The following GUCA1A variants were observed in gnomAD, a reference collection of about 807,000 sequenced individuals.
The protein encoded by GUCA1A is guanylyl cyclase-activating protein 1.
A neutral mutation model predicts 18.5 loss-of-function variants in GUCA1A; 14 were observed. That is an observed-to-expected ratio of 0.76 (90% CI 0.50 to 1.18). GUCA1A has a LOEUF of 1.18. GUCA1A is among the 50% of genes most tolerant of loss of function. The probability of loss-of-function intolerance (pLI) is 0.00; values close to 1 mark genes in which losing one functional copy is unlikely to be tolerated. For missense variants in GUCA1A, 264 were observed against 262.4 expected (o/e 1.01, Z -0.04); for synonymous variants, 97 against 100.2 (o/e 0.97, Z 0.19).
In GUCA1A at chr6:42,178,890, G is replaced by C; in HGVS notation, c.440G>C (p.Gly147Ala). ...GTGTTCTCCAAGATTGACGTCAACG[G>C]GGATGGTGAGGGGGCCGAGGAGGGG... The part of the protein sequence containing the change: ...DTVFSKIDVN[G>A]DGELSLEEFI... The change falls in exon 3 of 4, where the codon GGG (glycine) becomes GCG (alanine). Residue 147 changes from glycine to alanine, a missense_variant. By Grantham distance (60) the Gly-to-Ala change is moderately conservative (BLOSUM62 0). Transcript: ENST00000372958. 6.2e-7 allele frequency: 1 copy of C among 1,610,522 alleles called. No individual in the cohort carries two copies.
At position 42,179,254 on chromosome 6, in the gene GUCA1A, C is replaced by G; in HGVS notation, c.457C>G (p.Leu153Val). The G allele has an allele frequency of 6.2e-7, 1 of 1,613,644 alleles. No individual in the cohort carries two copies. The highest frequency in any genetic ancestry group is 1.7e-4 in the Middle Eastern group (1 of 6,054). ...TCTCTCTACCCCAGGGGAACTCTCC[C>G]TGGAAGAGTTTATAGAGGGCGTCCA... ...IDVNGDGELS[L>V]EEFIEGVQKD... The change falls in exon 4 of 4, where the codon CTG becomes GTG. Residue 153 changes from leucine (L) to valine (V), a missense_variant. Coordinates refer to ENST00000372958, the MANE Select transcript of GUCA1A (RefSeq NM_001384910.1).
rs768402891 is a variant in GUCA1A, at chr6:42,178,406, G to A, written c.328G>A (p.Asp110Asn). 5.6e-6 allele frequency: 9 copies of A among 1,613,980 alleles called. No individual in the cohort carries two copies. Among genetic ancestry groups the A allele is most frequent in the Middle Eastern group, 1.6e-4 (1 of 6,084 alleles). Reference sequence around the variant, plus strand: ...AGATGGCAACGGCTGCATTGACCGCGATGAGCTGCTCACCATCATCCAGGT... The same window carrying A: ...AGATGGCAACGGCTGCATTGACCGCAATGAGCTGCTCACCATCATCCAGGT... ...DVDGNGCIDR[D>N]ELLTIIQAIR... Residue 110 changes from aspartate (D) to asparagine (N), a missense_variant, in exon 2 of 4, where the codon GAT (aspartate) becomes AAT (asparagine). Transcript: ENST00000372958.
At position 42,178,313 on chromosome 6, in the gene GUCA1A, GC is replaced by G. The variant is rs771332482; in HGVS notation, c.236del (p.Ala79GlyfsTer23). On this transcript the variant is annotated frameshift_variant, in exon 2 of 4. Transcript: ENST00000372958. LOFTEE classifies it high-confidence loss of function. The stretch of plus-strand genomic sequence containing the variant: ...CATTGATTTCATGGAGTACGTGGCA[GC>G]GCTCAGCTTGGTCCTCAAGGGGAAG... ...GYIDFMEYVA[A>X]LSLVLKGKVE... The G allele has an allele frequency of 2.5e-6, 4 of 1,614,222 alleles. No homozygotes were observed. Among genetic ancestry groups the G allele is most frequent in the Middle Eastern group, 1.6e-4 (1 of 6,062 alleles).
Position 42,178,363 on chromosome 6 carries a change from C to T in GUCA1A, c.285C>T (p.Tyr95=). The T allele has an allele frequency of 6.2e-7, 1 of 1,614,042 alleles. No homozygotes were observed. The change falls in exon 2 of 4, where the codon TAC becomes TAT. Residue 95 remains tyrosine, a synonymous_variant. Transcript: ENST00000372958. ...AGGTGGAACAGAAGCTCCGCTGGTA[C>T]TTCAAGCTCTATGATGTAGATGGCA... ...KGKVEQKLRW[Y]FKLYDVDGNG... is the part of the protein sequence containing the mutation.
chr6:42,179,408 AC>A lies in GUCA1A; in HGVS notation c.*7del. ...GCCGCTGAGGCAGCCGGCTGAGTGC[AC>A]CGCCCGGCTGCTTCTGCACTAGCGG... On this transcript the variant is annotated 3_prime_UTR_variant, in exon 4 of 4. Coordinates refer to ENST00000372958, the MANE Select transcript of GUCA1A (RefSeq NM_001384910.1). 1.3e-6 allele frequency: 2 copies of A among 1,580,846 alleles called. No homozygotes were observed. Among genetic ancestry groups the A allele is most frequent in the Non-Finnish European group, 1.7e-6 (2 of 1,161,380 alleles).
At chr6:42,175,859 A>C (rs1767947039) in intron 1 of GUCA1A, among the ~76,000 whole-genome samples, 1 of 152,090 alleles carries the variant, frequency 6.6e-6, no homozygotes, top group Admixed American at 6.6e-5. Context: ...TGCTCGGCTT[A>C]CACCTTCCTC....
intron 1 of GUCA1A, among the ~76,000 whole-genome samples, chr6:42,177,767 G>A (rs993729198): frequency 3.3e-5 from 5 of 152,198 alleles, no homozygotes; most frequent in Non-Finnish European, 7.3e-5. Context: ...GACTGAATGA[G>A]CCCACTGTGG....
At chr6:42,175,724 T>C (rs895143850) in intron 1 of GUCA1A, among the ~76,000 whole-genome samples, 1 of 152,158 alleles carries the variant, frequency 6.6e-6, no homozygotes, top group Non-Finnish European at 1.5e-5. Flanking sequence ...AACCTGACCC[T>C]TGTCTTTCCA....
chr6:42,178,175 T>A (rs1768006813), intron 1 of GUCA1A, 105 bp from the exon 2 acceptor site: 5 of 1,370,016 alleles, frequency 3.6e-6, no homozygotes, highest in Non-Finnish European at 5.2e-6. Context: ...CAGCGTCTCT[T>A]GGGGCTTGCC....
rs905727167 is a variant in GUCA1A at position 42,173,525 on chromosome 6, G to T, written c.-89G>T. The T allele has an allele frequency of 7.0e-6, 7 of 1,005,270 alleles. No homozygotes were observed. The highest frequency in any genetic ancestry group is 9.4e-6 in the Non-Finnish European group (6 of 635,394). The allele number at this position is 1,005,270 out of a possible 1,614,324, so 62.3% of individuals were successfully genotyped here. On this transcript the variant is annotated 5_prime_UTR_variant, in exon 1 of 4. Coordinates refer to ENST00000372958, the MANE Select transcript of GUCA1A (RefSeq NM_001384910.1). ...AGGACTCAGGCCTGTGAGAGAGGACGGCCCCGTTGTCGGCCAAGACACCTT... is the reference window on the plus strand; with the variant it reads ...AGGACTCAGGCCTGTGAGAGAGGACTGCCCCGTTGTCGGCCAAGACACCTT...
rs1767861734 is a variant in GUCA1A at position 42,173,488 on chromosome 6, G to T, written c.-126G>T. 1.3e-6 allele frequency: 1 copy of T among 743,686 alleles called. No homozygotes were observed. Among genetic ancestry groups the T allele is most frequent in the Non-Finnish European group, 2.4e-6 (1 of 417,660 alleles). The allele number at this position is 743,686 out of a possible 1,614,324, so 46.1% of individuals were successfully genotyped here. A position where few individuals can be genotyped will look rare whatever the true frequency, so the allele number is the denominator to read the frequency against. On this transcript the variant is annotated 5_prime_UTR_variant, in exon 1 of 4. Coordinates refer to ENST00000372958, the MANE Select transcript of GUCA1A (RefSeq NM_001384910.1). Reference sequence around the variant, plus strand: ...CATCTGATCCATCAGGCCCTTCTTTGCTCAGGCCTGAAGGACTCAGGCCTG... The same window carrying T: ...CATCTGATCCATCAGGCCCTTCTTTTCTCAGGCCTGAAGGACTCAGGCCTG...
intron 3 of GUCA1A, 86 bp from the exon 4 acceptor site, chr6:42,179,157 C>T: frequency 7.8e-7 from 1 of 1,279,818 alleles, no homozygotes; most frequent in South Asian, 1.2e-5. Flanking sequence ...GGCTCTGTCC[C>T]TGCCCCTGGC....
At chr6:42,176,772 CA>C (rs1023929464) in intron 1 of GUCA1A, among the ~76,000 whole-genome samples, 3 of 152,166 alleles carry the variant, frequency 2.0e-5, no homozygotes, top group Non-Finnish European at 4.4e-5. Flanking sequence ...CAGGGACAGG[CA>C]AATGACAGCA....
Position 42,178,358 on chromosome 6 carries a change from T to G in GUCA1A, c.280T>G (p.Trp94Gly). The G allele has an allele frequency of 1.2e-6, 2 of 1,613,694 alleles. No individual in the cohort carries two copies. Among genetic ancestry groups the G allele is most frequent in the Non-Finnish European group, 1.7e-6 (2 of 1,179,576 alleles). ...LKGKVEQKLRWYFKLYDVDGN... is the reference protein window; with the variant it reads ...LKGKVEQKLRGYFKLYDVDGN... ...GGGGAAGGTGGAACAGAAGCTCCGC[T>G]GGTACTTCAAGCTCTATGATGTAGA... Residue 94 changes from tryptophan (W) to glycine (G), a missense_variant, in exon 2 of 4, where the codon TGG becomes GGG. By Grantham distance (184) the Trp-to-Gly change is radical. Coordinates refer to ENST00000372958, the MANE Select transcript of GUCA1A (RefSeq NM_001384910.1).
At chr6:42,175,658 C>T (rs1767940295) in intron 1 of GUCA1A, among the ~76,000 whole-genome samples, 1 of 152,342 alleles carries the variant, frequency 6.6e-6, no homozygotes, top group African/African-American at 2.4e-5. Context: ...AGCCACCACG[C>T]TGAGCCAACC....
rs1161255926 is a variant in GUCA1A, at chr6:42,178,968, A to ACCTTTAGGAAGGTGAC, written c.445+74_445+75insCTTTAGGAAGGTGACC. 2.5e-6 allele frequency: 3 copies of ACCTTTAGGAAGGTGAC among 1,176,806 alleles called. No homozygotes were observed. In the Admixed American group the frequency reaches 5.0e-5, roughly 20 times the overall value. 72.9% of individuals were successfully genotyped at this position (1,176,806 alleles called of 1,614,324 possible). On this transcript the variant is annotated intron_variant, in intron 3 of 3. Transcript: ENST00000372958. The stretch of plus-strand genomic sequence containing the variant: ...GTGGGGTCACCAGGGGTGGAAGGTC[A>ACCTTTAGGAAGGTGAC]CTAAAGGAGAGGGTGAGGAAGGGAG...
chr6:42,174,865 G>A (rs1256803504), intron 1 of GUCA1A, among the ~76,000 whole-genome samples: 1 of 152,366 alleles, frequency 6.6e-6, no homozygotes. Flanking sequence ...ACCCGGGAGA[G>A]GTTCCTTCCC....
At chr6:42,178,724 C>A (rs1172551013) in intron 2 of GUCA1A, 78 bp from the exon 3 acceptor site, 4 of 1,175,460 alleles carry the variant, frequency 3.4e-6, no homozygotes, top group East Asian at 2.3e-5. Flanking sequence ...GCCGGACAAG[C>A]TCTGACCGTC....
At chr6:42,174,913 G>A (rs1166950978) in intron 1 of GUCA1A, among the ~76,000 whole-genome samples, 1 of 152,212 alleles carries the variant, frequency 6.6e-6, no homozygotes, top group African/African-American at 2.4e-5. Flanking sequence ...CATGGGTGGG[G>A]CTTCTTGGGA....
Sources: allele counts gnomAD v4.1 joint callset (sites outside exome capture counted in the v4.1 genomes callset), GRCh38; gene constraint gnomAD v4.1.1; transcripts MANE v1.5; gene names NCBI Gene and HGNC (gene_info 2026-07-23, HGNC 2026-07-21).